Variants in FAM149A observed in about 807,000 individuals in gnomAD.
The protein encoded by FAM149A is family with sequence similarity 149 member A, also known as protein FAM149A.
FAM149A carries 71 observed loss-of-function variants against 78.2 expected under a neutral mutation model. The observed-to-expected ratio is 0.91, with a 90% CI of 0.75 to 1.11. FAM149A has a LOEUF of 1.11. Ranked by LOEUF, FAM149A falls within the 50% of genes least tolerant of loss-of-function variation. FAM149A has a pLI of 0.00. For synonymous variants in FAM149A, 446 were observed against 410.5 expected (o/e 1.09, Z -1.04); for missense variants, 1,036 against 971.0 (o/e 1.07, Z -0.89).
At chr4:186,116,748 T>C in intron 1 of FAM149A, 1 of 981,588 alleles carries the variant, frequency 1.0e-6, no homozygotes, top group African/African-American at 1.7e-5. Context: ...ATTTAAATCT[T>C]GAAAATTGTA....
At chr4:186,148,514 G>A (rs866990300) in intron 1 of FAM149A, among the ~76,000 whole-genome samples, 2 of 152,062 alleles carry the variant, frequency 1.3e-5, no homozygotes. Context: ...TGTTTTAAGC[G>A]GTTCATTGAA....
At chr4:186,158,699 C>T in intron 8 of FAM149A, 1 of 999,224 alleles carries the variant, frequency 1.0e-6, no homozygotes, top group East Asian at 1.0e-4. Context: ...CCTGAGGCTG[C>T]AGACTGCTCT....
chr4:186,130,314 T>TATATGTATAA (rs141900902), intron 1 of FAM149A, among the ~76,000 whole-genome samples: 1 of 116,456 alleles, frequency 8.6e-6, no homozygotes, highest in Non-Finnish European at 1.7e-5. Flanking sequence ...TATATATATA[T>TATATGTATAA]AATCTATATC....
intron 3 of FAM149A, among the ~76,000 whole-genome samples, chr4:186,150,241 T>TCCTC (rs1733373723): frequency 6.6e-6 from 1 of 151,756 alleles, no homozygotes; most frequent in Non-Finnish European, 1.5e-5. Flanking sequence ...GGCTCCAGTC[T>TCCTC]CCTCCCTCCC....
At chr4:186,147,199 A>C (rs960995907) in intron 1 of FAM149A, among the ~76,000 whole-genome samples, 3 of 152,176 alleles carry the variant, frequency 2.0e-5, no homozygotes, top group Non-Finnish European at 2.9e-5. Flanking sequence ...CTTGGGCAAT[A>C]TAGTGAGACC....
At chr4:186,124,810 C>G (rs2126313248) in intron 1 of FAM149A, among the ~76,000 whole-genome samples, 1 of 152,206 alleles carries the variant, frequency 6.6e-6, no homozygotes, top group African/African-American at 2.4e-5. Flanking sequence ...AATGGTATTT[C>G]TAGTTCTAGA....
Position 186,154,558 on chromosome 4 carries a change from G to A in FAM149A, c.1149G>A (p.Thr383=), listed in dbSNP as rs113839829. ...ATGACACAGGGGTTGCTGACCTAAC[G>A]GCACGTTCATCCCTGGAAGAAGAGG... The change falls in exon 6 of 14, where the codon ACG becomes ACA. Residue 383 remains threonine (T), a synonymous_variant. Coordinates refer to ENST00000389354, the MANE Select transcript of FAM149A (RefSeq NM_001367768.3). 18 of 1,613,946 alleles carry A rather than the reference G, an allele frequency of 1.1e-5. No homozygotes were observed. Among genetic ancestry groups the A allele is most frequent in the South Asian group, 3.3e-5 (3 of 91,072 alleles).
At chr4:186,153,536 A>G (rs1328979972) in intron 4 of FAM149A, 109 bp from the exon 5 acceptor site, 1 of 1,510,586 alleles carries the variant, frequency 6.6e-7, no homozygotes, top group Admixed American at 1.9e-5. Context: ...TCCCATACAC[A>G]TCTTATCATA....
Position 186,164,410 on chromosome 4 carries a change from G to A in FAM149A, c.1889+777G>A, listed in dbSNP as rs748455699. The A allele has an allele frequency of 3.9e-5, 38 of 974,752 alleles. No homozygotes were observed. The highest frequency in any genetic ancestry group is 2.4e-4 in the South Asian group (5 of 21,090). The allele number at this position is 974,752 out of a possible 1,614,324, so 60.4% of individuals were successfully genotyped here. ...TTTAGAGACCACCCACTGGACCCCC[G>A]GCCTGCAGGGGAGCTGTTATCAGGA... On this transcript the variant is annotated intron_variant, in intron 10 of 13. Coordinates refer to ENST00000389354, the MANE Select transcript of FAM149A (RefSeq NM_001367768.3). This position sits in a 1 kb window ranked among gnomAD's most constrained non-coding sequence, Gnocchi z 4.0.
At chr4:186,134,522 C>A (rs2099321977) in intron 1 of FAM149A, among the ~76,000 whole-genome samples, 2 of 152,060 alleles carry the variant, frequency 1.3e-5, no homozygotes, top group African/African-American at 4.8e-5. Flanking sequence ...AGCTGAGAGC[C>A]CTGGATCACC....
In FAM149A at chr4:186,144,989, G is replaced by A; in HGVS notation, c.567-4184G>A. 3.1e-6 allele frequency: 3 copies of A among 980,640 alleles called. No homozygotes were observed. The highest frequency in any genetic ancestry group is 3.6e-6 in the Non-Finnish European group (3 of 827,364). 60.7% of individuals were successfully genotyped at this position (980,640 alleles called of 1,614,324 possible). On this transcript the variant is annotated intron_variant, in intron 1 of 13. Transcript: ENST00000389354. The surrounding 1 kb of genome is among the most constrained non-coding windows in gnomAD (Gnocchi z 4.2). The stretch of plus-strand genomic sequence containing the variant: ...TGGGGAGCCCCAGCCCCGGGGCCGC[G>A]GGGGCGCGTGACCGGCTGTCTGCGT...
intron 1 of FAM149A, among the ~76,000 whole-genome samples, chr4:186,111,749 A>T (rs1206190630): frequency 5.9e-5 from 9 of 151,320 alleles, no homozygotes; most frequent in African/African-American, 1.9e-4. Context: ...TGTTCCATTG[A>T]TCTAGATCTC....
intron 1 of FAM149A, among the ~76,000 whole-genome samples, chr4:186,119,174 A>T (rs1253399396): frequency 6.6e-6 from 1 of 152,208 alleles, no homozygotes; most frequent in African/African-American, 2.4e-5. Context: ...ATAGGCAAAA[A>T]TTTCAAAAAT....
At chr4:186,135,665 C>T (rs929149181) in intron 1 of FAM149A, among the ~76,000 whole-genome samples, 3 of 152,186 alleles carry the variant, frequency 2.0e-5, no homozygotes, top group East Asian at 1.9e-4. Flanking sequence ...GATCAACATA[C>T]GTATTTCCTT....
Position 186,153,695 on chromosome 4 carries a change from T to G in FAM149A, c.983T>G (p.Phe328Cys). 6.2e-7 allele frequency: 1 copy of G among 1,614,112 alleles called. No individual in the cohort carries two copies. The highest frequency in any genetic ancestry group is 1.1e-5 in the South Asian group (1 of 91,074). ...CCCACTGACAAAGGCGTCCAGCATTTCCAGGGCAGCACTCCTGCCTCCGCA... is the reference window on the plus strand; with the variant it reads ...CCCACTGACAAAGGCGTCCAGCATTGCCAGGGCAGCACTCCTGCCTCCGCA... The change falls in exon 5 of 14, where the codon TTC becomes TGC. Residue 328 changes from phenylalanine (F) to cysteine (C), a missense_variant. Transcript: ENST00000389354.
At chr4:186,141,309 A>C (rs930760807) in intron 1 of FAM149A, among the ~76,000 whole-genome samples, 1 of 152,186 alleles carries the variant, frequency 6.6e-6, no homozygotes, top group Non-Finnish European at 1.5e-5. Context: ...AACTTAGTAC[A>C]AAAAAATTAA....
intron 3 of FAM149A, among the ~76,000 whole-genome samples, 197 bp downstream of exon 3, chr4:186,149,901 C>G (rs190096147): frequency 1.3e-5 from 2 of 152,196 alleles, no homozygotes; most frequent in Non-Finnish European, 2.9e-5. Context: ...AGAACTCCCT[C>G]GTGACCTTCT....
Position 186,173,876 on chromosome 4 carries a change from C to T in FAM149A, c.*1889C>T, listed in dbSNP as rs1019130480. 1.8e-5 allele frequency among the ~76,000 whole-genome samples: 2 copies of T among 111,864 alleles called. No individual in the cohort carries two copies. Among genetic ancestry groups the T allele is most frequent in the African/African-American group, 5.6e-5 (2 of 35,662 alleles). The allele number at this position is 111,864 out of a possible 152,430, so 73.4% of individuals were successfully genotyped here. A position where few individuals can be genotyped will look rare whatever the true frequency, so the allele number is the denominator to read the frequency against. On this transcript the variant is annotated 3_prime_UTR_variant, in exon 14 of 14. Transcript: ENST00000389354. ...CAATAGAAACTTTTAAGAGCAAATG[C>T]CAGTCTTAATTCAGCAGCTCTCCCA...
intron 8 of FAM149A, among the ~76,000 whole-genome samples, chr4:186,162,460 C>A (rs1192770818): frequency 2.0e-5 from 3 of 152,210 alleles, no homozygotes; most frequent in African/African-American, 7.2e-5. Context: ...TGCCCTCCAA[C>A]CTCCGGGATC....
Sources: gnomAD v4.1 joint callset for allele counts (sites outside exome capture counted in the v4.1 genomes callset) on GRCh38, gnomAD v4.1.1 for gene constraint, Gnocchi (gnomAD v3.1) non-coding constraint, MANE v1.5 for transcripts, NCBI Gene and HGNC (gene_info 2026-07-23, HGNC 2026-07-21) for gene names.